Variants in NR2E1 observed in about 807,000 individuals in gnomAD.
NR2E1 encodes nuclear receptor TLX.
NR2E1 carries 5 observed loss-of-function variants against 43.6 expected under a neutral mutation model. That is an observed-to-expected ratio of 0.11 (90% CI 0.06 to 0.24). The LOEUF is 0.24. Among genes scored for constraint, NR2E1 ranks in the 10% least tolerant of loss-of-function variants. The pLI, the probability that NR2E1 is intolerant of heterozygous loss-of-function variation, is 1.00. For missense variants in NR2E1, 287 were observed against 496.7 expected, an observed-to-expected ratio of 0.58 and a Z score of 4.01; for synonymous variants, 191 against 195.5, an observed-to-expected ratio of 0.98 and a Z score of 0.19.
intron 4 of NR2E1, 147 bp downstream of exon 4, chr6:108,176,885 C>T (rs181562473): frequency 5.4e-6 from 4 of 737,696 alleles, no homozygotes; most frequent in Admixed American, 2.7e-5. Flanking sequence ...AGCTCCAGCC[C>T]TTCTGCTCTC....
At position 108,187,760 on chromosome 6, in the gene NR2E1, C is replaced by G. The variant is rs1774098657; in HGVS notation, c.*297C>G. On this transcript the variant is annotated 3_prime_UTR_variant, in exon 9 of 9. Coordinates refer to ENST00000368986, the MANE Select transcript of NR2E1 (RefSeq NM_003269.5). The stretch of plus-strand genomic sequence containing the variant: ...TGCCACAGGCCGTGCCATTCTGCCT[C>G]TTACCTGGAAGATCAGGCTGAACGA... 2.4e-6 allele frequency: 1 copy of G among 417,976 alleles called. No homozygotes were observed. Among genetic ancestry groups the G allele is most frequent in the African/African-American group, 2.0e-5 (1 of 49,466 alleles). 25.9% of individuals were successfully genotyped at this position (417,976 alleles called of 1,614,324 possible).
At chr6:108,171,248 G>C (rs1459889346) in intron 1 of NR2E1, among the ~76,000 whole-genome samples, 1 of 152,184 alleles carries the variant, frequency 6.6e-6, no homozygotes. Flanking sequence ...CATGAATAAT[G>C]CTCATTGTAG....
intron 4 of NR2E1, 28 bp downstream of exon 4, chr6:108,176,766 A>T: frequency 6.5e-7 from 1 of 1,534,914 alleles, no homozygotes; most frequent in Non-Finnish European, 8.7e-7. Flanking sequence ...GCCCAAAGAG[A>T]CTCGTGCCAG....
In NR2E1 at chr6:108,188,662, C is replaced by G. The variant is rs944051567; in HGVS notation, c.*1199C>G. On this transcript the variant is annotated 3_prime_UTR_variant, in exon 9 of 9. Coordinates refer to ENST00000368986, the MANE Select transcript of NR2E1 (RefSeq NM_003269.5). ...TTTTCACATTTTGATTTATTAGGTA[C>G]TAGCACTGAGGAAAAAAAATTCAGC... is the stretch of plus-strand genomic sequence containing the variant. The G allele has an allele frequency of 6.6e-6, 1 of 152,030 alleles. No homozygotes were observed. Among genetic ancestry groups the G allele is most frequent in the Non-Finnish European group, 1.5e-5 (1 of 68,036 alleles). 9.4% of individuals were successfully genotyped at this position (152,030 alleles called of 1,614,324 possible).
Position 108,178,118 on chromosome 6 carries a change from C to T in NR2E1, c.519C>T (p.Thr173=), listed in dbSNP as rs369021537. Residue 173 remains threonine, a synonymous_variant, in exon 5 of 9, where the codon ACC becomes ACT. Coordinates refer to ENST00000368986, the MANE Select transcript of NR2E1 (RefSeq NM_003269.5). ...AGTACCCCCATGAAGTGAATGGGAC[C>T]CCAATGTATCTCTATGAAGTGGCCA... The part of the protein sequence containing the change: ...TPKYPHEVNG[T]PMYLYEVATE... 10 of 1,614,118 alleles carry T rather than the reference C, an allele frequency of 6.2e-6. No homozygotes were observed. Among genetic ancestry groups the T allele is most frequent in the Non-Finnish European group, 8.5e-6 (10 of 1,180,024 alleles).
rs1162794772 is a variant in NR2E1, at chr6:108,166,709, G to T, written c.-57G>T. The T allele has an allele frequency of 1.4e-6, 2 of 1,456,534 alleles. No homozygotes were observed. Among genetic ancestry groups the T allele is most frequent in the East Asian group, 5.4e-5 (2 of 37,366 alleles). The allele number at this position is 1,456,534 out of a possible 1,614,324, so 90.2% of individuals were successfully genotyped here. The stretch of plus-strand genomic sequence containing the variant: ...GGCGGCGCCCGGCGGCGAGGCGGGC[G>T]CTGCCGGCCGGGACTCGGGCAGCGC... On this transcript the variant is annotated 5_prime_UTR_variant, in exon 1 of 9. Coordinates refer to ENST00000368986, the MANE Select transcript of NR2E1 (RefSeq NM_003269.5). The surrounding 1 kb of genome is among the most constrained non-coding windows in gnomAD (Gnocchi z 7.2).
chr6:108,180,174 G>A lies in NR2E1; in HGVS notation c.643-149G>A, dbSNP rs1429031841. 6 of 626,778 alleles carry A rather than the reference G, an allele frequency of 9.6e-6. No homozygotes were observed. The highest frequency in any genetic ancestry group is 5.8e-5 in the South Asian group (3 of 51,548). The allele number at this position is 626,778 out of a possible 1,614,324, so 38.8% of individuals were successfully genotyped here. On this transcript the variant is annotated intron_variant, in intron 5 of 8. Transcript: ENST00000368986. This position sits in a 1 kb window ranked among gnomAD's most constrained non-coding sequence, Gnocchi z 5.4. ...GCACCTTTTCAAAAGGAAAATATGG[G>A]AAAATAAGGGAAAGCTAGAATATTC... is the stretch of plus-strand genomic sequence containing the variant.
At chr6:108,179,491 C>CGTGTGTGTGTGT (rs1562405502) in intron 5 of NR2E1, among the ~76,000 whole-genome samples, 1 of 74,902 alleles carries the variant, frequency 1.3e-5, no homozygotes, top group African/African-American at 6.8e-5. Context: ...CTAACCACTT[C>CGTGTGTGTGTGT]CTGTGTGTGT....
At position 108,166,663 on chromosome 6, in the gene NR2E1, G is replaced by C. The variant is rs939271428; in HGVS notation, c.-103G>C. 6.1e-6 allele frequency: 6 copies of C among 976,386 alleles called. No individual in the cohort carries two copies. In the Admixed American group the frequency reaches 2.0e-4, roughly 32 times the overall value. 60.5% of individuals were successfully genotyped at this position (976,386 alleles called of 1,614,324 possible). A position where few individuals can be genotyped will look rare whatever the true frequency, so the allele number is the denominator to read the frequency against. ...CCTGTCCCGCCCAGGAGCCTTGCAG[G>C]CTGGAGGGCAGCTGGAGAGCGGCGG... On this transcript the variant is annotated 5_prime_UTR_variant, in exon 1 of 9. Transcript: ENST00000368986. This position sits in a 1 kb window ranked among gnomAD's most constrained non-coding sequence, Gnocchi z 7.2.
intron 3 of NR2E1, 160 bp from the exon 4 acceptor site, chr6:108,176,343 T>G: frequency 1.5e-6 from 1 of 648,590 alleles, no homozygotes; most frequent in Non-Finnish European, 2.7e-6. Context: ...GATCTCAGAA[T>G]CCCTTCCTCC....
intron 2 of NR2E1, among the ~76,000 whole-genome samples, chr6:108,172,782 A>T (rs1390146412): frequency 2.0e-5 from 3 of 152,214 alleles, no homozygotes; most frequent in Admixed American, 2.0e-4. Flanking sequence ...TTTTGGATTA[A>T]CCACAAAAAC....
rs750404364 is a variant in NR2E1, at chr6:108,187,309, C to G, written c.1004C>G (p.Thr335Ser). The G allele has an allele frequency of 6.2e-7, 1 of 1,614,262 alleles. No individual in the cohort carries two copies. The highest frequency in any genetic ancestry group is 1.7e-5 in the Admixed American group (1 of 60,030). Residue 335 changes from threonine to serine, a missense_variant, in exon 9 of 9, where the codon ACT (threonine) becomes AGT (serine). Transcript: ENST00000368986. ...LNSYIHTRYPTQPCRFGKLLL... is the reference protein window; with the variant it reads ...LNSYIHTRYPSQPCRFGKLLL... Reference sequence around the variant, plus strand: ...GGCTTCTCACATTCCAGATATCCCACTCAACCCTGTCGCTTTGGAAAACTC... The same window carrying G: ...GGCTTCTCACATTCCAGATATCCCAGTCAACCCTGTCGCTTTGGAAAACTC...
intron 1 of NR2E1, chr6:108,168,239 T>G (rs1296045459): frequency 5.6e-6 from 8 of 1,417,950 alleles, no homozygotes; most frequent in Non-Finnish European, 7.5e-6. Context: ...AGGCCGTTTC[T>G]GTTGCATTCT....
chr6:108,182,555 A>ATTTTT (rs1240401253), intron 8 of NR2E1, among the ~76,000 whole-genome samples: 1 of 122,912 alleles, frequency 8.1e-6, no homozygotes, highest in Non-Finnish European at 1.7e-5. Flanking sequence ...CACCCAGCTA[A>ATTTTT]TTTTTTTTTT....
chr6:108,171,878 G>C (rs1773818045), intron 2 of NR2E1, among the ~76,000 whole-genome samples: 1 of 152,152 alleles, frequency 6.6e-6, no homozygotes. Context: ...GAAAGATTTT[G>C]ACACTGGGTA....
Position 108,169,535 on chromosome 6 carries a change from C to T in NR2E1, c.26-1923C>T, listed in dbSNP as rs1399014374. ...GGTGACAGTACTGCTGGGCCCCAAACGTGGACCCTGGAGCGGTCAGAGGGC... is the reference window on the plus strand; with the variant it reads ...GGTGACAGTACTGCTGGGCCCCAAATGTGGACCCTGGAGCGGTCAGAGGGC... On this transcript the variant is annotated intron_variant, in intron 1 of 8. Transcript: ENST00000368986. This position sits in a 1 kb window ranked among gnomAD's most constrained non-coding sequence, Gnocchi z 6.1. Among the ~76,000 whole-genome samples the T allele has an allele frequency of 6.6e-6, 1 of 152,176 alleles. No homozygotes were observed. Among genetic ancestry groups the T allele is most frequent in the Non-Finnish European group, 1.5e-5 (1 of 68,042 alleles).
rs1774099389 is a variant in NR2E1 at position 108,187,804 on chromosome 6, G to T, written c.*341G>T. 8.8e-6 allele frequency: 3 copies of T among 341,946 alleles called. No homozygotes were observed. In the Admixed American group the frequency reaches 1.2e-4, roughly 14 times the overall value. 21.2% of individuals were successfully genotyped at this position (341,946 alleles called of 1,614,324 possible). A position where few individuals can be genotyped will look rare whatever the true frequency, so the allele number is the denominator to read the frequency against. ...TGAACGATCAAAAGCTGAAACATAA[G>T]TAGTGCTTTCTCTTCCTTTTTAGCA... On this transcript the variant is annotated 3_prime_UTR_variant, in exon 9 of 9. Transcript: ENST00000368986.
chr6:108,167,564 A>C (rs1003087398), intron 1 of NR2E1, among the ~76,000 whole-genome samples: 2 of 151,942 alleles, frequency 1.3e-5, no homozygotes, highest in African/African-American at 4.8e-5. Flanking sequence ...ATTTGCTTGC[A>C]CCCTGCCTGC....
At chr6:108,184,383 C>T (rs1262576956) in intron 8 of NR2E1, among the ~76,000 whole-genome samples, 1 of 151,864 alleles carries the variant, frequency 6.6e-6, no homozygotes, top group South Asian at 2.1e-4. Context: ...TGCAGGTGGG[C>T]GATATGGGAT....
Sources: allele counts gnomAD v4.1 joint callset (sites outside exome capture counted in the v4.1 genomes callset), GRCh38; gene constraint gnomAD v4.1.1; non-coding constraint Gnocchi (gnomAD v3.1); transcripts MANE v1.5; gene names NCBI Gene and HGNC (gene_info 2026-07-23, HGNC 2026-07-21).